DPP10: variants seen among roughly 807,000 people sequenced by gnomAD.
DPP10 encodes the protein inactive dipeptidyl peptidase 10.
DPP10 carries 33 observed loss-of-function variants against 120.9 expected under a neutral mutation model. The observed-to-expected ratio is 0.27, with a 90% confidence interval of 0.21 to 0.37. The LOEUF is 0.37. Among genes scored for constraint, DPP10 ranks in the 10% least tolerant of loss-of-function variants. The pLI, the probability that DPP10 is intolerant of heterozygous loss-of-function variation, is 1.00. For missense variants in DPP10, 816 were observed against 942.8 expected, an observed-to-expected ratio of 0.87 and a Z score of 1.76; for synonymous variants, 337 against 326.1, an observed-to-expected ratio of 1.03 and a Z score of -0.36.
At chr2:115,407,099 A>G (rs1310870726) in intron 3 of DPP10, among the ~76,000 whole-genome samples, 2 of 151,922 alleles carry the variant, frequency 1.3e-5, no homozygotes, top group African/African-American at 4.8e-5. Context: ...CCAGGTCACC[A>G]CCCAGGAACA....
At chr2:115,591,415 C>A (rs2082653315) in intron 5 of DPP10, among the ~76,000 whole-genome samples, 1 of 152,108 alleles carries the variant, frequency 6.6e-6, no homozygotes, top group Admixed American at 6.6e-5. Context: ...ATAGGGAATT[C>A]TTTCCTCATT....
chr2:115,113,679 T>C (rs2049350342), intron 1 of DPP10, among the ~76,000 whole-genome samples: 1 of 152,154 alleles, frequency 6.6e-6, no homozygotes, highest in Non-Finnish European at 1.5e-5. Flanking sequence ...ACTTCCTTCA[T>C]CTATGTGAAA....
At chr2:115,323,368 C>T (rs978139712) in intron 2 of DPP10, among the ~76,000 whole-genome samples, 3 of 152,186 alleles carry the variant, frequency 2.0e-5, no homozygotes, top group Non-Finnish European at 4.4e-5. Flanking sequence ...AATTCAAATT[C>T]TCTTGCTGCC....
intron 1 of DPP10, among the ~76,000 whole-genome samples, chr2:114,472,261 A>G (rs914846853): frequency 6.6e-6 from 1 of 152,212 alleles, no homozygotes; most frequent in Non-Finnish European, 1.5e-5. Context: ...TTACTGTCCT[A>G]CAGGGACTGG....
intron 1 of DPP10, among the ~76,000 whole-genome samples, chr2:115,075,943 AAG>A (rs1707750992): frequency 6.6e-6 from 1 of 152,138 alleles, no homozygotes; most frequent in African/African-American, 2.4e-5. Context: ...GGAAGCAATT[AAG>A]GGAGGCTGCT....
intron 3 of DPP10, among the ~76,000 whole-genome samples, chr2:115,373,078 G>A (rs747188110): frequency 1.7e-4 from 26 of 152,194 alleles, no homozygotes; most frequent in Non-Finnish European, 2.6e-4. Flanking sequence ...CAGGAGGGTT[G>A]CCTAATGAAA....
intron 2 of DPP10, among the ~76,000 whole-genome samples, chr2:115,327,237 C>T (rs1321460544): frequency 6.6e-6 from 1 of 152,032 alleles, no homozygotes; most frequent in African/African-American, 2.4e-5. Flanking sequence ...ATGCAGTAGA[C>T]TTTAGCATCT....
At chr2:114,665,809 A>G (rs76881143) in intron 1 of DPP10, among the ~76,000 whole-genome samples, 4,092 of 152,274 alleles carry the variant, frequency 0.027, 200 homozygotes, top group African/African-American at 0.091. Flanking sequence ...ACTCATAGAA[A>G]TTACTGTGCT....
At chr2:114,972,741 ATGATTTAGCT>A (rs1317192660) in intron 1 of DPP10, among the ~76,000 whole-genome samples, 2 of 152,320 alleles carry the variant, frequency 1.3e-5, no homozygotes, top group East Asian at 3.9e-4. Context: ...AAAGTGTTCT[ATGATTTAGCT>A]TGATTGGATT....
intron 1 of DPP10, among the ~76,000 whole-genome samples, chr2:115,191,095 C>T (rs765435273): frequency 2.6e-5 from 4 of 152,070 alleles, no homozygotes; most frequent in Admixed American, 6.5e-5. Flanking sequence ...AATGGCTTAA[C>T]GAAGGGGAAG....
At chr2:114,664,959 A>G (rs1366819773) in intron 1 of DPP10, among the ~76,000 whole-genome samples, 3 of 146,610 alleles carry the variant, frequency 2.0e-5, no homozygotes, top group Non-Finnish European at 4.5e-5. Context: ...AAAAGATGGC[A>G]TAGAGCATCC....
intron 3 of DPP10, among the ~76,000 whole-genome samples, chr2:115,361,606 G>A (rs999178431): frequency 6.6e-6 from 1 of 152,106 alleles, no homozygotes; most frequent in Admixed American, 6.6e-5. Context: ...TTCCCCTGCC[G>A]ATTCAAATGT....
At chr2:115,352,819 TAACCTTCTCCAAAATCAAA>T (rs1462548399) in intron 3 of DPP10, among the ~76,000 whole-genome samples, 2 of 152,124 alleles carry the variant, frequency 1.3e-5, no homozygotes. Flanking sequence ...GAAGTTTTAT[TAACCTTCTCCAAAATCAAA>T]AACACATCTT....
chr2:115,777,308 T>G lies in DPP10; in HGVS notation c.1313+9T>G. ...GAAACTACTCAAAAAATGTGAGTGT[T>G]TTCAGTTCTCTAGTCAGGCTGCAAG... On this transcript the variant is annotated intron_variant, in intron 14 of 25. Coordinates refer to ENST00000410059, the MANE Select transcript of DPP10 (RefSeq NM_020868.6). The G allele has an allele frequency of 6.2e-7, 1 of 1,609,756 alleles. No homozygotes were observed. Among genetic ancestry groups the G allele is most frequent in the Non-Finnish European group, 8.5e-7 (1 of 1,176,590 alleles).
intron 3 of DPP10, among the ~76,000 whole-genome samples, chr2:115,440,052 A>T (rs2071881081): frequency 6.6e-6 from 1 of 152,126 alleles, no homozygotes; most frequent in South Asian, 2.1e-4. Flanking sequence ...TTGTAAATTA[A>T]CTAGCTCTTT....
intron 3 of DPP10, among the ~76,000 whole-genome samples, chr2:115,346,147 A>T (rs1285198101): frequency 6.6e-6 from 1 of 152,172 alleles, no homozygotes; most frequent in East Asian, 1.9e-4. Flanking sequence ...CTTTCTGGCA[A>T]GTGCTAGATA....
At chr2:114,530,438 A>G (rs1185612652) in intron 1 of DPP10, among the ~76,000 whole-genome samples, 1 of 152,216 alleles carries the variant, frequency 6.6e-6, no homozygotes, top group African/African-American at 2.4e-5. Context: ...CATGATTATT[A>G]TCGAAATATC....
intron 1 of DPP10, among the ~76,000 whole-genome samples, chr2:115,168,132 T>C (rs951566772): frequency 1.3e-5 from 2 of 151,922 alleles, no homozygotes; most frequent in Non-Finnish European, 2.9e-5. Flanking sequence ...GGGCATGGAA[T>C]TGGATTAAAC....
At chr2:114,858,890 G>GCT (rs1372596200) in intron 1 of DPP10, among the ~76,000 whole-genome samples, 1 of 152,148 alleles carries the variant, frequency 6.6e-6, no homozygotes, top group Non-Finnish European at 1.5e-5. Flanking sequence ...ATGAGAGCCA[G>GCT]AATGGGATTT....
Sources: allele counts gnomAD v4.1 joint callset (sites outside exome capture counted in the v4.1 genomes callset), GRCh38; gene constraint gnomAD v4.1.1; transcripts MANE v1.5; gene names NCBI Gene and HGNC (gene_info 2026-07-23, HGNC 2026-07-21).